Variants in LRRK1 observed in about 807,000 individuals in gnomAD.
LRRK1 encodes the protein leucine-rich repeat serine/threonine-protein kinase 1.
In LRRK1, 113 loss-of-function variants were observed where a neutral mutation model predicts 209.1. That is an observed-to-expected ratio of 0.54 (90% CI 0.46 to 0.63). The LOEUF (loss-of-function observed/expected upper bound fraction) is 0.63, where lower values mean the gene tolerates loss of function less well. Among genes scored for constraint, LRRK1 ranks in the 30% least tolerant of loss-of-function variants. The pLI, the probability that LRRK1 is intolerant of heterozygous loss-of-function variation, is 0.00. For missense variants in LRRK1, 2,284 were observed against 2,632.2 expected (o/e 0.87, Z 2.89); for synonymous variants, 1,144 against 1,099.7 (o/e 1.04, Z -0.80).
At position 101,074,208 on chromosome 15, in the gene LRRK1, CCCCAGGCTGCTCCTT is replaced by C. The variant is rs747011392; in HGVS notation, c.*5361_*5375del. On this transcript the variant is annotated 3_prime_UTR_variant, in exon 34 of 34. Transcript: ENST00000388948. ...AGACCCATCTGACCTCTCCCCTCCTCCCCAGGCTGCTCCTTGCCAGGCCGAGCTAGGTCCCAATTC... is the reference window on the plus strand; with the variant it reads ...AGACCCATCTGACCTCTCCCCTCCTCGCCAGGCCGAGCTAGGTCCCAATTC... 5 of 152,126 alleles carry C rather than the reference CCCCAGGCTGCTCCTT, an allele frequency of 3.3e-5. No individual in the cohort carries two copies. Among genetic ancestry groups the C allele is most frequent in the South Asian group, 4.1e-4 (2 of 4,824 alleles). 9.4% of individuals were successfully genotyped at this position (152,126 alleles called of 1,614,324 possible).
Position 101,076,508 on chromosome 15 carries a change from G to C in LRRK1, c.*7660G>C, listed in dbSNP as rs1003603957. On this transcript the variant is annotated 3_prime_UTR_variant, in exon 34 of 34. Coordinates refer to ENST00000388948, the MANE Select transcript of LRRK1 (RefSeq NM_024652.6). ...TTCCTTCTTCCCTGCTTCTCACCCT[G>C]ATCACACTTGGTTTATGGATGGCAG... The C allele has an allele frequency of 2.0e-5, 3 of 152,140 alleles. No individual in the cohort carries two copies. The highest frequency in any genetic ancestry group is 7.3e-5 in the African/African-American group (3 of 41,364). 9.4% of individuals were successfully genotyped at this position (152,140 alleles called of 1,614,324 possible). A position where few individuals can be genotyped will look rare whatever the true frequency, so the allele number is the denominator to read the frequency against.
Position 100,919,852 on chromosome 15 carries a change from G to A in LRRK1, c.-123+401G>A, listed in dbSNP as rs2041988855. 6.6e-6 allele frequency among the ~76,000 whole-genome samples: 1 copy of A among 152,110 alleles called. No homozygotes were observed. The highest frequency in any genetic ancestry group is 6.5e-5 in the Admixed American group (1 of 15,284). On this transcript the variant is annotated intron_variant, in intron 1 of 33. Coordinates refer to ENST00000388948, the MANE Select transcript of LRRK1 (RefSeq NM_024652.6). The surrounding 1 kb of genome is among the most constrained non-coding windows in gnomAD (Gnocchi z 5.8). The stretch of plus-strand genomic sequence containing the variant: ...AGCCCATAGGTTTCCTCTGCCTTTG[G>A]AGCGAACCCAGTCCCTTAGCGGGGA...
At chr15:100,977,363 T>C (rs1161841635) in intron 3 of LRRK1, among the ~76,000 whole-genome samples, 1 of 152,008 alleles carries the variant, frequency 6.6e-6, no homozygotes, top group Admixed American at 6.6e-5. Context: ...GGTGGAGAGC[T>C]TAGATTTCCA....
intron 20 of LRRK1, among the ~76,000 whole-genome samples, chr15:101,032,535 G>T (rs1254735056): frequency 1.3e-5 from 2 of 148,660 alleles, no homozygotes; most frequent in Non-Finnish European, 3.0e-5. Context: ...CTTTTAAATT[G>T]TGTGATTATT....
chr15:101,014,299 C>T lies in LRRK1; in HGVS notation c.1420-17C>T. Reference sequence around the variant, plus strand: ...TGATGCTATCTTAGCTTCTCTCTCCCTCCCTCTCTCTCTCAGGCCCTCATG... The same window carrying T: ...TGATGCTATCTTAGCTTCTCTCTCCTTCCCTCTCTCTCTCAGGCCCTCATG... On this transcript the variant is annotated splice_polypyrimidine_tract_variant and intron_variant, in intron 10 of 33. Coordinates refer to ENST00000388948, the MANE Select transcript of LRRK1 (RefSeq NM_024652.6). The T allele has an allele frequency of 6.4e-7, 1 of 1,565,702 alleles. No individual in the cohort carries two copies. Among genetic ancestry groups the T allele is most frequent in the Non-Finnish European group, 8.8e-7 (1 of 1,138,846 alleles).
intron 2 of LRRK1, among the ~76,000 whole-genome samples, chr15:100,928,609 T>C (rs895787788): frequency 1.5e-4 from 23 of 152,222 alleles, no homozygotes; most frequent in Non-Finnish European, 3.1e-4. Context: ...GACGTTCTTA[T>C]TATACTTCCA....
chr15:101,052,096 A>G, intron 24 of LRRK1, 136 bp downstream of exon 24: 1 of 1,001,452 alleles, frequency 1.0e-6, no homozygotes, highest in Non-Finnish European at 1.4e-6. Flanking sequence ...CACCAATCTC[A>G]GTACCTTTTA....
At chr15:100,948,870 A>C (rs1021586348) in intron 2 of LRRK1, among the ~76,000 whole-genome samples, 1 of 152,212 alleles carries the variant, frequency 6.6e-6, no homozygotes, top group African/African-American at 2.4e-5. Flanking sequence ...GATACAGCTA[A>C]AGCAGTGCTC....
Position 101,021,775 on chromosome 15 carries a change from CGTGTGTGTGTGTGTGT to C in LRRK1, c.1740-47_1740-32del, listed in dbSNP as rs3031683. 5,994 of 848,774 alleles carry C rather than the reference CGTGTGTGTGTGTGTGT, an allele frequency of 7.1e-3. 42 individuals carry two copies. Among genetic ancestry groups the C allele is most frequent in the East Asian group, 0.053 (2,024 of 38,056 alleles). 52.6% of individuals were successfully genotyped at this position (848,774 alleles called of 1,614,324 possible). A position where few individuals can be genotyped will look rare whatever the true frequency, so the allele number is the denominator to read the frequency against. ...GAGGCTGACAGGAGCCACGTGTGTG[CGTGTGTGTGTGTGTGT>C]GTGTGTGTGTGTGTGTGTGTGTATT... On this transcript the variant is annotated intron_variant, in intron 13 of 33. Transcript: ENST00000388948.
In LRRK1 at chr15:101,069,906, A is replaced by G. The variant is rs892238823; in HGVS notation, c.*1058A>G. 4 of 152,236 alleles carry G rather than the reference A, an allele frequency of 2.6e-5. No homozygotes were observed. The highest frequency in any genetic ancestry group is 7.2e-5 in the African/African-American group (3 of 41,460). 9.4% of individuals were successfully genotyped at this position (152,236 alleles called of 1,614,324 possible). ...CACACATGCACACACATATGCACAC[A>G]CATGTGCAAACATAGCCACTTTTTT... On this transcript the variant is annotated 3_prime_UTR_variant, in exon 34 of 34. Coordinates refer to ENST00000388948, the MANE Select transcript of LRRK1 (RefSeq NM_024652.6).
At position 100,951,094 on chromosome 15, in the gene LRRK1, C is replaced by T. The variant is rs140181933; in HGVS notation, c.98-22710C>T. 2.0e-3 allele frequency among the ~76,000 whole-genome samples: 305 copies of T among 152,314 alleles called. 2 individuals are homozygous for T. The highest frequency in any genetic ancestry group is 6.9e-3 in the African/African-American group (288 of 41,572). On this transcript the variant is annotated intron_variant, in intron 2 of 33. Transcript: ENST00000388948. The stretch of plus-strand genomic sequence containing the variant: ...CTCCAGCCTGGGCTACAGAGTGAGA[C>T]TCCGTCTCAGAAAAAAAGAGCAAAG...
intron 23 of LRRK1, chr15:101,050,722 CCA>C (rs1202226350): frequency 1.3e-5 from 2 of 152,362 alleles, no homozygotes; most frequent in Non-Finnish European, 2.9e-5. Flanking sequence ...ATTCCAGATC[CCA>C]GGGTCTGGTC....
At chr15:100,953,723 G>T (rs1457895101) in intron 2 of LRRK1, among the ~76,000 whole-genome samples, 1 of 151,930 alleles carries the variant, frequency 6.6e-6, no homozygotes, top group Non-Finnish European at 1.5e-5. Context: ...TGAATCATAG[G>T]GTAGTTCTAT....
chr15:100,972,403 T>C (rs1368262267), intron 2 of LRRK1, among the ~76,000 whole-genome samples: 1 of 129,054 alleles, frequency 7.7e-6, no homozygotes, highest in Non-Finnish European at 1.7e-5. Context: ...TGTGTGTGTG[T>C]TTTGGTATGT....
chr15:101,030,572 C>T (rs992553757), intron 20 of LRRK1, among the ~76,000 whole-genome samples: 1 of 152,134 alleles, frequency 6.6e-6, no homozygotes, highest in Non-Finnish European at 1.5e-5. Flanking sequence ...CACCTTCCCC[C>T]ACGCCCCACC....
intron 2 of LRRK1, among the ~76,000 whole-genome samples, chr15:100,962,823 A>ATTTTTTTTT (rs1161979293): frequency 1.7e-4 from 2 of 11,546 alleles, no homozygotes; most frequent in Admixed American, 1.0e-3. Context: ...ATATATATAT[A>ATTTTTTTTT]TTTTTTTTTT....
intron 2 of LRRK1, among the ~76,000 whole-genome samples, chr15:100,964,235 G>T (rs578014662): frequency 3.2e-4 from 49 of 152,164 alleles, no homozygotes; most frequent in African/African-American, 1.2e-3. Flanking sequence ...ATCACCCCGG[G>T]GCTGGGTGAC....
chr15:100,976,624 C>G (rs537007416), intron 3 of LRRK1, among the ~76,000 whole-genome samples: 4 of 152,200 alleles, frequency 2.6e-5, no homozygotes, highest in Admixed American at 2.6e-4. Context: ...TCTGAAAATG[C>G]TTGTCAAATT....
rs551696612 is a variant in LRRK1, at chr15:101,024,983, G to A, written c.2232+16G>A. On this transcript the variant is annotated intron_variant, in intron 16 of 33. Transcript: ENST00000388948. The surrounding 1 kb of genome is among the most constrained non-coding windows in gnomAD (Gnocchi z 4.6). ...CAACATCGAGGTGAGGACACCAGACGCCAGCCCTGCCATTTCAGTGCCCAG... is the reference window on the plus strand; with the variant it reads ...CAACATCGAGGTGAGGACACCAGACACCAGCCCTGCCATTTCAGTGCCCAG... The A allele has an allele frequency of 1.3e-5, 21 of 1,607,072 alleles. No individual in the cohort carries two copies. Among genetic ancestry groups the A allele is most frequent in the Admixed American group, 5.0e-5 (3 of 59,856 alleles).
Sources: allele counts gnomAD v4.1 joint callset (sites outside exome capture counted in the v4.1 genomes callset), GRCh38; gene constraint gnomAD v4.1.1; non-coding constraint Gnocchi (gnomAD v3.1); transcripts MANE v1.5; gene names NCBI Gene and HGNC (gene_info 2026-07-23, HGNC 2026-07-21).